The following HPF1 variants were observed in gnomAD, a reference collection of about 807,000 sequenced individuals.
HPF1 encodes histone PARylation factor 1, also known as UPF0609 protein C4orf27.
Under a neutral mutation model 38.8 loss-of-function variants are expected in HPF1, and 35 were observed. The observed-to-expected ratio is 0.90, with a 90% confidence interval of 0.69 to 1.19. The LOEUF is 1.19. Ranked by LOEUF, HPF1 falls within the 50% of genes most tolerant of loss-of-function variation. The pLI is 0.00. For missense variants in HPF1, 367 were observed against 405.8 expected, an observed-to-expected ratio of 0.90 and a Z score of 0.82; for synonymous variants, 115 against 139.2, an observed-to-expected ratio of 0.83 and a Z score of 1.22.
In HPF1 at chr4:169,729,664, G is replaced by A. The variant is rs1176213041; in HGVS notation, c.955C>T (p.Leu319=). The A allele has an allele frequency of 1.3e-6, 2 of 1,576,474 alleles. No homozygotes were observed. Among genetic ancestry groups the A allele is most frequent in the Admixed American group, 3.8e-5 (2 of 52,828 alleles). Residue 319 remains leucine (L), a synonymous_variant, in exon 8 of 8, where the codon CTG becomes TTG. Coordinates refer to ENST00000393381, the MANE Select transcript of HPF1 (RefSeq NM_017867.3). The part of the protein sequence containing the change: ...AGQLLPLAYN[L]LKRNLFAEII... Reference sequence around the variant, plus strand: ...TCTGCAAACAGATTCCTCTTCAACAGATTATATGCAAGAGGTAAAAGCTGG... The same window carrying A: ...TCTGCAAACAGATTCCTCTTCAACAAATTATATGCAAGAGGTAAAAGCTGG...
At chr4:169,735,872 G>A (rs1291052830) in intron 6 of HPF1, among the ~76,000 whole-genome samples, 1 of 150,722 alleles carries the variant, frequency 6.6e-6, no homozygotes, top group African/African-American at 2.5e-5. Context: ...AATACAGTGT[G>A]GGTTACATTT....
intron 3 of HPF1, 192 bp downstream of exon 3, chr4:169,750,344 G>A (rs1734101408): frequency 2.6e-6 from 1 of 389,322 alleles, no homozygotes; most frequent in East Asian, 3.8e-5. Flanking sequence ...GGAAAAACAA[G>A]TGAGATTAAA....
intron 6 of HPF1, among the ~76,000 whole-genome samples, chr4:169,736,816 G>A (rs1293244354): frequency 1.3e-5 from 2 of 152,168 alleles, no homozygotes; most frequent in African/African-American, 4.8e-5. Flanking sequence ...GGCTGTTCAC[G>A]ATAAGGGAAT....
chr4:169,748,552 T>C (rs1734077828), intron 4 of HPF1, among the ~76,000 whole-genome samples, 192 bp downstream of exon 4: 1 of 152,110 alleles, frequency 6.6e-6, no homozygotes, highest in South Asian at 2.1e-4. Flanking sequence ...TTTGTATTTT[T>C]AGTAGAGATG....
rs934490472 is a variant in HPF1, at chr4:169,754,913, AT to A, written c.49-1079del. Reference sequence around the variant, plus strand: ...AGCTAGATGTTTCTCATATTTATATATTTTTTTATTTTATTATTATTATACT... The same window carrying A: ...AGCTAGATGTTTCTCATATTTATATATTTTTTATTTTATTATTATTATACT... On this transcript the variant is annotated intron_variant, in intron 1 of 7. Coordinates refer to ENST00000393381, the MANE Select transcript of HPF1 (RefSeq NM_017867.3). Among the ~76,000 whole-genome samples the A allele has an allele frequency of 1.2e-4, 18 of 151,864 alleles. No individual in the cohort carries two copies. In the East Asian group the frequency reaches 2.7e-3, roughly 23 times the overall value.
At chr4:169,739,400 A>G (rs1196461835) in intron 5 of HPF1, among the ~76,000 whole-genome samples, 1 of 152,162 alleles carries the variant, frequency 6.6e-6, no homozygotes, top group Non-Finnish European at 1.5e-5. Context: ...TAACCCTGAT[A>G]GAGAAATGGG....
chr4:169,748,265 TA>T (rs1400794539), intron 4 of HPF1, among the ~76,000 whole-genome samples: 2 of 152,232 alleles, frequency 1.3e-5, no homozygotes, highest in African/African-American at 4.8e-5. Flanking sequence ...ATAAGAGGTG[TA>T]TTTTTTTGGT....
rs1250117608 is a variant in HPF1, at chr4:169,731,647, G to A, written c.909+57C>T. ...ACGTATTCATGTGTGGATGTATGTCGCGGGGAGAGGAGGGAGGTGTGGCAG... is the reference window on the plus strand; with the variant it reads ...ACGTATTCATGTGTGGATGTATGTCACGGGGAGAGGAGGGAGGTGTGGCAG... On this transcript the variant is annotated intron_variant, in intron 7 of 7. Coordinates refer to ENST00000393381, the MANE Select transcript of HPF1 (RefSeq NM_017867.3). 23 of 1,338,366 alleles carry A rather than the reference G, an allele frequency of 1.7e-5. 1 individual carries two copies. The highest frequency in any genetic ancestry group is 2.1e-5 in the Non-Finnish European group (21 of 993,624). The allele number at this position is 1,338,366 out of a possible 1,614,324, so 82.9% of individuals were successfully genotyped here. A position where few individuals can be genotyped will look rare whatever the true frequency, so the allele number is the denominator to read the frequency against.
intron 1 of HPF1, among the ~76,000 whole-genome samples, chr4:169,756,566 G>A (rs568310226): frequency 1.2e-4 from 18 of 152,204 alleles, no homozygotes; most frequent in Non-Finnish European, 1.9e-4. Flanking sequence ...CCTTAGGCAA[G>A]TTACTTAACC....
rs950761921 is a variant in HPF1, at chr4:169,747,504, C to G, written c.497+1240G>C. ...ACAACAGCCCTTTAAAGAGACAGTA[C>G]TAAAAGAGGTCAAAGAAAAGATAAT... On this transcript the variant is annotated intron_variant, in intron 4 of 7. Transcript: ENST00000393381. Among the ~76,000 whole-genome samples the G allele has an allele frequency of 5.9e-5, 9 of 152,150 alleles. No individual in the cohort carries two copies. The East Asian group carries it at 1.4e-3, about 23-fold the overall frequency.
At chr4:169,749,952 C>T (rs1734097433) in intron 3 of HPF1, among the ~76,000 whole-genome samples, 1 of 152,154 alleles carries the variant, frequency 6.6e-6, no homozygotes, top group South Asian at 2.1e-4. Context: ...TGGGCACGTT[C>T]CTTCTATTAC....
intron 1 of HPF1, among the ~76,000 whole-genome samples, chr4:169,754,081 C>T (rs1300774129): frequency 1.3e-5 from 2 of 150,462 alleles, no homozygotes; most frequent in African/African-American, 2.5e-5. Flanking sequence ...ATGGAAACCA[C>T]AAAAAACAAA....
chr4:169,733,804 G>T (rs926833651), intron 6 of HPF1, among the ~76,000 whole-genome samples: 2 of 151,714 alleles, frequency 1.3e-5, no homozygotes, highest in African/African-American at 4.9e-5. Context: ...GCTGAGGTGG[G>T]AGGATCACCC....
intron 4 of HPF1, among the ~76,000 whole-genome samples, chr4:169,747,860 T>G (rs1394191402): frequency 6.6e-6 from 1 of 152,228 alleles, no homozygotes; most frequent in East Asian, 1.9e-4. Flanking sequence ...GCAGCAGCTG[T>G]AGCTGAGATC....
chr4:169,732,137 ATTTTTTTTT>A, intron 6 of HPF1: 1 of 155,824 alleles, frequency 6.4e-6, no homozygotes, highest in Non-Finnish European at 1.2e-5. Flanking sequence ...TACAGTCACG[ATTTTTTTTT>A]TTTTTTTTTT....
chr4:169,733,009 A>G (rs1472654412), intron 6 of HPF1, among the ~76,000 whole-genome samples: 1 of 152,226 alleles, frequency 6.6e-6, no homozygotes, highest in Non-Finnish European at 1.5e-5. Context: ...CCAAGTAGGC[A>G]AAATTTATTC....
intron 1 of HPF1, among the ~76,000 whole-genome samples, chr4:169,757,435 A>G (rs1483568586): frequency 6.6e-6 from 1 of 152,124 alleles, no homozygotes; most frequent in Non-Finnish European, 1.5e-5. Context: ...TAGAATGCAT[A>G]TTTGCTTGTG....
At chr4:169,741,452 C>G (rs776539242) in intron 5 of HPF1, among the ~76,000 whole-genome samples, 11 of 152,186 alleles carry the variant, frequency 7.2e-5, no homozygotes, top group Admixed American at 3.9e-4. Flanking sequence ...AAATCTATAG[C>G]TGAAAAACCA....
At chr4:169,753,879 C>CAG in intron 1 of HPF1, 44 bp from the exon 2 acceptor site, 1 of 1,504,336 alleles carries the variant, frequency 6.6e-7, no homozygotes, top group East Asian at 2.3e-5. Flanking sequence ...ATTTCAGTAA[C>CAG]TCTCCTTGCA....
Sources: gnomAD v4.1 joint callset for allele counts (sites outside exome capture counted in the v4.1 genomes callset) on GRCh38, gnomAD v4.1.1 for gene constraint, MANE v1.5 for transcripts, NCBI Gene and HGNC (gene_info 2026-07-23, HGNC 2026-07-21) for gene names.